The following PCDHGB3 variants were observed in gnomAD, a reference collection of about 807,000 sequenced individuals.
PCDHGB3 encodes the protein protocadherin gamma-B3.
A neutral mutation model predicts 59.2 loss-of-function variants in PCDHGB3; 40 were observed. The ratio of observed to expected loss-of-function variants is 0.68; its 90% confidence interval spans 0.52 to 0.88. The LOEUF (loss-of-function observed/expected upper bound fraction) is 0.88. Among genes scored for constraint, PCDHGB3 ranks in the 40% least tolerant of loss-of-function variants. The probability of loss-of-function intolerance (pLI) is 0.00; values close to 1 mark genes in which losing one functional copy is unlikely to be tolerated. For synonymous variants in PCDHGB3, 581 were observed against 503.6 expected (o/e 1.15, Z -2.06); for missense variants, 1,309 against 1,187.9 (o/e 1.10, Z -1.50).
intron 1 of PCDHGB3, chr5:141,422,627 C>T: frequency 6.2e-7 from 1 of 1,613,350 alleles, no homozygotes; most frequent in Non-Finnish European, 8.5e-7. Flanking sequence ...GAAAACAACC[C>T]CAGGGGTGCC....
chr5:141,404,676 T>G lies in PCDHGB3; in HGVS notation c.2415+31867T>G, dbSNP rs904942152. The stretch of plus-strand genomic sequence containing the variant: ...CTCCCCACTGATGGTTCTACTGGTG[T>G]GGAGCTGGCACCCCGCTCTGCAGAG... On this transcript the variant is annotated intron_variant, in intron 1 of 3. Transcript: ENST00000576222. 3.1e-6 allele frequency: 5 copies of G among 1,614,010 alleles called. No individual in the cohort carries two copies. In the African/African-American group the frequency reaches 6.7e-5, roughly 22 times the overall value.
intron 2 of PCDHGB3, among the ~76,000 whole-genome samples, chr5:141,504,354 G>C (rs1349256606): frequency 6.6e-6 from 1 of 152,100 alleles, no homozygotes; most frequent in Non-Finnish European, 1.5e-5. Flanking sequence ...TGTGCTAGGT[G>C]CTTCAGTAGG....
Position 141,432,503 on chromosome 5 carries a change from G to A in PCDHGB3, c.2415+59694G>A, listed in dbSNP as rs939325676. On this transcript the variant is annotated intron_variant, in intron 1 of 3. Transcript: ENST00000576222. This position sits in a 1 kb window ranked among gnomAD's most constrained non-coding sequence, Gnocchi z 6.0. ...TGGCGTGGAGCTGGCTCCCCGCTCC[G>A]CAGAGCCCGGCTACCTGGTGACCAA... 5 of 1,613,988 alleles carry A rather than the reference G, an allele frequency of 3.1e-6. No individual in the cohort carries two copies. Among genetic ancestry groups the A allele is most frequent in the Non-Finnish European group, 2.5e-6 (3 of 1,180,038 alleles).
At chr5:141,378,339 A>G (rs62378424) in intron 1 of PCDHGB3, 5,525 of 152,288 alleles carry the variant, frequency 0.036, 122 homozygotes, top group Middle Eastern at 0.092. Flanking sequence ...CCTGACCAAC[A>G]TGGTGAAACC....
intron 1 of PCDHGB3, among the ~76,000 whole-genome samples, chr5:141,469,029 C>A (rs2099189188): frequency 6.6e-6 from 1 of 152,052 alleles, no homozygotes; most frequent in Non-Finnish European, 1.5e-5. Flanking sequence ...GTAATCCCAG[C>A]ACTTTGGGAG....
At position 141,491,369 on chromosome 5, in the gene PCDHGB3, CCTTT is replaced by C; in HGVS notation, c.2416-3435_2416-3432del. ...AGTCTCTTATCCCTAGTCACCTTCACCTTTCTGTCAGCGAAGTGCCTTCAGGGAA... is the reference window on the plus strand; with the variant it reads ...AGTCTCTTATCCCTAGTCACCTTCACCTGTCAGCGAAGTGCCTTCAGGGAA... On this transcript the variant is annotated intron_variant, in intron 1 of 3. Transcript: ENST00000576222. The surrounding 1 kb of genome is among the most constrained non-coding windows in gnomAD (Gnocchi z 6.9). 1 of 1,614,110 alleles carries C rather than the reference CCTTT, an allele frequency of 6.2e-7. No individual in the cohort carries two copies. Among genetic ancestry groups the C allele is most frequent in the Non-Finnish European group, 8.5e-7 (1 of 1,179,996 alleles).
intron 1 of PCDHGB3, among the ~76,000 whole-genome samples, chr5:141,459,789 G>A (rs960868607): frequency 6.6e-6 from 1 of 152,206 alleles, no homozygotes; most frequent in Non-Finnish European, 1.5e-5. Context: ...AGTTTCAACT[G>A]TTTTTCCCTG....
intron 2 of PCDHGB3, among the ~76,000 whole-genome samples, chr5:141,502,152 C>T (rs1306227782): frequency 2.0e-5 from 3 of 152,128 alleles, no homozygotes; most frequent in African/African-American, 4.8e-5. Flanking sequence ...AAGTAAGGAC[C>T]CCAGATATTC....
chr5:141,374,507 A>T, intron 1 of PCDHGB3: 1 of 1,611,446 alleles, frequency 6.2e-7, no homozygotes. Flanking sequence ...GGAAGTGAAA[A>T]TTCTCGAAAA....
In PCDHGB3 at chr5:141,431,024, A is replaced by G; in HGVS notation, c.2415+58215A>G. ...CAGCGGCAGCTTGGTCACGGCGGGCAGGATAGACCGGGAGGAGCTCTGTAT... is the reference window on the plus strand; with the variant it reads ...CAGCGGCAGCTTGGTCACGGCGGGCGGGATAGACCGGGAGGAGCTCTGTAT... On this transcript the variant is annotated intron_variant, in intron 1 of 3. Transcript: ENST00000576222. The surrounding 1 kb of genome is among the most constrained non-coding windows in gnomAD (Gnocchi z 4.8). 2.5e-6 allele frequency: 4 copies of G among 1,614,024 alleles called. No homozygotes were observed. The highest frequency in any genetic ancestry group is 3.4e-6 in the Non-Finnish European group (4 of 1,179,926).
At chr5:141,377,760 A>T (rs991785557) in intron 1 of PCDHGB3, 3 of 152,200 alleles carry the variant, frequency 2.0e-5, no homozygotes, top group South Asian at 4.1e-4. Context: ...GGGACACCAG[A>T]TCTTTGGTGT....
intron 1 of PCDHGB3, among the ~76,000 whole-genome samples, chr5:141,469,088 G>A (rs1388316490): frequency 6.6e-6 from 1 of 151,604 alleles, no homozygotes; most frequent in Non-Finnish European, 1.5e-5. Context: ...ACCATTCTAG[G>A]CAACAAAGCA....
Position 141,487,071 on chromosome 5 carries a change from C to A in PCDHGB3, c.2416-7736C>A. On this transcript the variant is annotated intron_variant, in intron 1 of 3. Coordinates refer to ENST00000576222, the MANE Select transcript of PCDHGB3 (RefSeq NM_018924.5). The surrounding 1 kb of genome is among the most constrained non-coding windows in gnomAD (Gnocchi z 5.0). ...GCTGGGGAGGTGCGGACGGCTGTTC[C>A]TATCCCAGCTGACCTCCCACCACAG... is the stretch of plus-strand genomic sequence containing the variant. The A allele has an allele frequency of 6.2e-7, 1 of 1,614,148 alleles. No individual in the cohort carries two copies. Among genetic ancestry groups the A allele is most frequent in the Non-Finnish European group, 8.5e-7 (1 of 1,180,002 alleles).
At chr5:141,415,746 T>G (rs766611858) in intron 1 of PCDHGB3, 17 of 662,556 alleles carry the variant, frequency 2.6e-5, no homozygotes, top group East Asian at 1.1e-4. Context: ...TAAGGTTTTT[T>G]TTTTTTTTTT....
chr5:141,381,689 C>A lies in PCDHGB3; in HGVS notation c.2415+8880C>A, dbSNP rs548691945. 4.6e-5 allele frequency among the ~76,000 whole-genome samples: 7 copies of A among 152,268 alleles called. No individual in the cohort carries two copies. In the South Asian group the frequency reaches 1.2e-3, roughly 27 times the overall value. ...AGCTGATTGCTGCAGCCAAGACAAA[C>A]AACGATTTCTTTCTTTTTTTCTCAC... On this transcript the variant is annotated intron_variant, in intron 1 of 3. Transcript: ENST00000576222.
chr5:141,384,293 A>G, intron 1 of PCDHGB3: 1 of 1,613,660 alleles, frequency 6.2e-7, no homozygotes, highest in Non-Finnish European at 8.5e-7. Flanking sequence ...GCTGAGAACA[A>G]CCCCAGAGGG....
chr5:141,466,401 T>A (rs2099122186), intron 1 of PCDHGB3, among the ~76,000 whole-genome samples: 1 of 152,210 alleles, frequency 6.6e-6, no homozygotes, highest in Non-Finnish European at 1.5e-5. Flanking sequence ...TTTGCTCAAC[T>A]TTAATTTTTC....
intron 1 of PCDHGB3, among the ~76,000 whole-genome samples, chr5:141,467,075 C>A (rs2099136382): frequency 6.9e-6 from 1 of 145,470 alleles, no homozygotes; most frequent in Non-Finnish European, 1.5e-5. Flanking sequence ...TTTTTTTAGA[C>A]CAAGTCTCAC....
intron 2 of PCDHGB3, among the ~76,000 whole-genome samples, chr5:141,500,035 CTT>C: frequency 6.6e-6 from 1 of 152,100 alleles, no homozygotes; most frequent in East Asian, 1.9e-4. Flanking sequence ...GTGAGTGTCT[CTT>C]AAGTATCTTA....
Sources: allele counts gnomAD v4.1 joint callset (sites outside exome capture counted in the v4.1 genomes callset), GRCh38; gene constraint gnomAD v4.1.1; non-coding constraint Gnocchi (gnomAD v3.1); transcripts MANE v1.5; gene names NCBI Gene and HGNC (gene_info 2026-07-23, HGNC 2026-07-21).